The following CAMSAP2 variants were observed in gnomAD, a reference collection of about 807,000 sequenced individuals.
CAMSAP2 encodes the protein calmodulin-regulated spectrin-associated protein 2.
In CAMSAP2, 26 loss-of-function variants were observed where a neutral mutation model predicts 146.1. That is an observed-to-expected ratio of 0.18 (90% CI 0.13 to 0.25). The LOEUF (loss-of-function observed/expected upper bound fraction) is 0.25, where lower values mean the gene tolerates loss of function less well. Ranked by LOEUF, CAMSAP2 falls within the 10% of genes least tolerant of loss-of-function variation. The pLI is 1.00. For synonymous variants in CAMSAP2, 499 were observed against 596.6 expected, an observed-to-expected ratio of 0.84 and a Z score of 2.38; for missense variants, 1,381 against 1,759.3, an observed-to-expected ratio of 0.78 and a Z score of 3.85.
rs1330726056 is a variant in CAMSAP2, at chr1:200,832,041, G to A, written c.646-159G>A. The stretch of plus-strand genomic sequence containing the variant: ...TATTGTTGCCGTGTATTTAACTTTG[G>A]TAATACCTAGCGTTATTTAGAAAAA... On this transcript the variant is annotated intron_variant, in intron 4 of 16. Transcript: ENST00000358823. This position sits in a 1 kb window ranked among gnomAD's most constrained non-coding sequence, Gnocchi z 4.2. 3.5e-6 allele frequency: 2 copies of A among 575,668 alleles called. No individual in the cohort carries two copies. Among genetic ancestry groups the A allele is most frequent in the Non-Finnish European group, 5.9e-6 (2 of 336,796 alleles). The allele number at this position is 575,668 out of a possible 1,614,324, so 35.7% of individuals were successfully genotyped here.
chr1:200,817,269 CAT>C (rs1375761580), intron 4 of CAMSAP2, among the ~76,000 whole-genome samples: 1 of 101,066 alleles, frequency 9.9e-6, no homozygotes, highest in Non-Finnish European at 2.1e-5. Context: ...TATATACACA[CAT>C]ATATATATAT....
Position 200,849,351 on chromosome 1 carries a change from A to C in CAMSAP2, c.2582A>C (p.Gln861Pro), listed in dbSNP as rs1426650851. The change falls in exon 11 of 17, where the codon CAG becomes CCG. Residue 861 changes from glutamine to proline, a missense_variant. Transcript: ENST00000358823. This position sits in a 1 kb window ranked among gnomAD's most constrained non-coding sequence, Gnocchi z 6.3. ...SPTTPIDPEK[Q>P]WNLASPSEET... is the part of the protein sequence containing the mutation. ...ACTACACCTATTGATCCTGAGAAGC[A>C]GTGGAACCTGGCAAGCCCCTCAGAA... 1 of 1,614,110 alleles carries C rather than the reference A, an allele frequency of 6.2e-7. No individual in the cohort carries two copies.
chr1:200,810,346 C>T (rs1666295106), intron 3 of CAMSAP2, among the ~76,000 whole-genome samples: 1 of 151,714 alleles, frequency 6.6e-6, no homozygotes, highest in Non-Finnish European at 1.5e-5. Context: ...TTGGGAGGCC[C>T]AGGCAGGCGG....
rs1369052704 is a variant in CAMSAP2, at chr1:200,738,915, T to G, written c.-913T>G. 1.3e-5 allele frequency among the ~76,000 whole-genome samples: 2 copies of G among 149,208 alleles called. No homozygotes were observed. The highest frequency in any genetic ancestry group is 5.0e-5 in the African/African-American group (2 of 40,136). ...CTCAGTCTCCGCATCTGCTCCTTCA[T>G]CCAGTGCCGCAGCCGGAAAACCGCA... On this transcript the variant is annotated 5_prime_UTR_variant, in exon 1 of 17. Transcript: ENST00000358823.
chr1:200,758,824 T>A (rs560848429), intron 1 of CAMSAP2, among the ~76,000 whole-genome samples: 28 of 152,242 alleles, frequency 1.8e-4, no homozygotes, highest in Non-Finnish European at 3.8e-4. Flanking sequence ...CTTTCTTTGC[T>A]TTATTCCTGG....
At chr1:200,803,634 C>T (rs1360755549) in intron 2 of CAMSAP2, among the ~76,000 whole-genome samples, 1 of 151,234 alleles carries the variant, frequency 6.6e-6, no homozygotes, top group East Asian at 1.9e-4. Context: ...AAAAAAATCA[C>T]ACTAAAATGT....
chr1:200,741,862 G>A (rs1209999650), intron 1 of CAMSAP2, among the ~76,000 whole-genome samples: 1 of 152,200 alleles, frequency 6.6e-6, no homozygotes, highest in African/African-American at 2.4e-5. Flanking sequence ...ACAAGTCTCT[G>A]ATGTAGGTAG....
chr1:200,761,391 A>G (rs1476014770), intron 2 of CAMSAP2, among the ~76,000 whole-genome samples: 1 of 152,186 alleles, frequency 6.6e-6, no homozygotes, highest in African/African-American at 2.4e-5. Flanking sequence ...GCTAGAAGAG[A>G]TGGAAAATGC....
intron 2 of CAMSAP2, among the ~76,000 whole-genome samples, chr1:200,792,143 A>G (rs1018645392): frequency 6.6e-6 from 1 of 152,178 alleles, no homozygotes; most frequent in African/African-American, 2.4e-5. Flanking sequence ...ACTTCCATTT[A>G]ATATATTTGA....
At chr1:200,809,685 C>T (rs566681526) in intron 3 of CAMSAP2, among the ~76,000 whole-genome samples, 4 of 152,232 alleles carry the variant, frequency 2.6e-5, no homozygotes, top group African/African-American at 4.8e-5. Flanking sequence ...GAGCCGAGAT[C>T]GCGCCAGTGC....
At chr1:200,781,229 A>C (rs957716782) in intron 2 of CAMSAP2, among the ~76,000 whole-genome samples, 22 of 152,246 alleles carry the variant, frequency 1.4e-4, no homozygotes, top group Non-Finnish European at 8.8e-5. Flanking sequence ...TATAAAACAC[A>C]AACATACTTT....
intron 2 of CAMSAP2, among the ~76,000 whole-genome samples, chr1:200,778,405 C>T (rs778752738): frequency 6.6e-6 from 1 of 152,086 alleles, no homozygotes; most frequent in Non-Finnish European, 1.5e-5. Flanking sequence ...GGGGGAGGCT[C>T]CTGAATGCCT....
chr1:200,836,240 C>A (rs1667181449), intron 6 of CAMSAP2, among the ~76,000 whole-genome samples: 1 of 152,102 alleles, frequency 6.6e-6, no homozygotes, highest in Non-Finnish European at 1.5e-5. Context: ...AGTTATTTCT[C>A]CTGATCCTCT....
At chr1:200,844,236 A>C (rs1165094002) in intron 7 of CAMSAP2, among the ~76,000 whole-genome samples, 2 of 151,888 alleles carry the variant, frequency 1.3e-5, no homozygotes, top group Admixed American at 6.6e-5. Context: ...ATTATCCTTA[A>C]TCAGATGAAT....
At chr1:200,761,736 A>C (rs75606478) in intron 2 of CAMSAP2, among the ~76,000 whole-genome samples, 2 of 95,910 alleles carry the variant, frequency 2.1e-5, no homozygotes, top group African/African-American at 1.0e-4. Flanking sequence ...ACTCTGTCTC[A>C]AAAAAAAAAA....
intron 6 of CAMSAP2, 60 bp from the exon 7 acceptor site, chr1:200,841,934 A>G: frequency 2.5e-6 from 3 of 1,180,740 alleles, no homozygotes; most frequent in Non-Finnish European, 3.8e-6. Context: ...TAAAACAATA[A>G]AATTCTGTTT....
intron 4 of CAMSAP2, among the ~76,000 whole-genome samples, chr1:200,819,863 T>C (rs1400525144): frequency 6.6e-6 from 1 of 152,126 alleles, no homozygotes; most frequent in Non-Finnish European, 1.5e-5. Flanking sequence ...TGTGGGACTT[T>C]AACAGGGCCT....
intron 3 of CAMSAP2, among the ~76,000 whole-genome samples, chr1:200,812,641 TA>T (rs1443253754): frequency 1.3e-5 from 2 of 152,118 alleles, no homozygotes; most frequent in South Asian, 4.2e-4. Flanking sequence ...TCCACAAGTA[TA>T]AAAAAACCTA....
intron 3 of CAMSAP2, among the ~76,000 whole-genome samples, chr1:200,812,595 G>A (rs1470245751): frequency 2.0e-5 from 3 of 151,790 alleles, no homozygotes; most frequent in Non-Finnish European, 2.9e-5. Context: ...GTTTTGGCTC[G>A]TCCTAACCCA....
Sources: allele counts gnomAD v4.1 joint callset (sites outside exome capture counted in the v4.1 genomes callset), GRCh38; gene constraint gnomAD v4.1.1; non-coding constraint Gnocchi (gnomAD v3.1); transcripts MANE v1.5; gene names NCBI Gene and HGNC (gene_info 2026-07-23, HGNC 2026-07-21).